Variants in ACP6 observed in about 807,000 individuals in gnomAD.
The protein encoded by ACP6 is lysophosphatidic acid phosphatase type 6.
In ACP6, 48 loss-of-function variants were observed where a neutral mutation model predicts 48.1. The observed-to-expected ratio is 1.00, with a 90% CI of 0.79 to 1.27. The LOEUF is 1.27. Among genes scored for constraint, ACP6 ranks in the 50% most tolerant of loss-of-function variants. The probability of loss-of-function intolerance (pLI) is 0.00; values close to 1 mark genes in which losing one functional copy is unlikely to be tolerated. For missense variants in ACP6, 485 were observed against 529.1 expected, an observed-to-expected ratio of 0.92 and a Z score of 0.82; for synonymous variants, 172 against 204.2, an observed-to-expected ratio of 0.84 and a Z score of 1.34.
chr1:147,648,513 G>A (rs1191470808), intron 8 of ACP6, 102 bp from the exon 9 acceptor site: 1 of 1,369,742 alleles, frequency 7.3e-7, no homozygotes, highest in African/African-American at 1.4e-5. Context: ...TCAGAAACTA[G>A]GTGACATCTA....
At chr1:147,640,895 G>C (rs587745854), downstream of ACP6, among the ~76,000 whole-genome samples, 2 of 152,302 alleles carry the variant, frequency 1.3e-5, no homozygotes, top group South Asian at 2.1e-4. Context: ...AGGGTGGACT[G>C]GGAAGGGCCG....
chr1:147,657,863 C>T (rs1382180348), intron 4 of ACP6, among the ~76,000 whole-genome samples: 1 of 152,246 alleles, frequency 6.6e-6, no homozygotes, highest in Non-Finnish European at 1.5e-5. Flanking sequence ...TAGTGATTTC[C>T]TTCCCTGATG....
In ACP6 at chr1:147,646,349, T is replaced by C. The variant is rs1351731045; in HGVS notation, c.*1074A>G. ...GGGTTTGATTCTAACATGGAAAGTT[T>C]TGTGCCAGTGAAATCCAAGTGGATA... On this transcript the variant is annotated 3_prime_UTR_variant, in exon 10 of 10. Transcript: ENST00000583509. The C allele has an allele frequency of 1.3e-5, 2 of 152,124 alleles. No homozygotes were observed. Among genetic ancestry groups the C allele is most frequent in the Admixed American group, 6.5e-5 (1 of 15,282 alleles). The allele number at this position is 152,124 out of a possible 1,614,324, so 9.4% of individuals were successfully genotyped here.
chr1:147,658,894 G>T, intron 4 of ACP6, 66 bp downstream of exon 4: 1 of 1,436,516 alleles, frequency 7.0e-7, no homozygotes, highest in Non-Finnish European at 9.5e-7. Context: ...GAAAGAGATA[G>T]GGGCTTCGGA....
intron 1 of ACP6, among the ~76,000 whole-genome samples, chr1:147,666,914 T>C (rs1355558812): frequency 1.3e-5 from 2 of 152,196 alleles, no homozygotes; most frequent in African/African-American, 4.8e-5. Context: ...ATCTATATTG[T>C]CAAATAAATA....
intron 1 of ACP6, among the ~76,000 whole-genome samples, chr1:147,660,968 T>A (rs1455470850): frequency 6.6e-6 from 1 of 152,216 alleles, no homozygotes; most frequent in Non-Finnish European, 1.5e-5. Context: ...AGAGATTGCA[T>A]TTTTCACAAA....
chr1:147,659,797 A>G lies in ACP6; in HGVS notation c.220-22T>C, dbSNP rs782271325. On this transcript the variant is annotated intron_variant, in intron 1 of 9. Transcript: ENST00000583509. ...CTACCTGTTAGTACAAAAAAAACAC[A>G]CCACATTGTTTAAAAATGGTTCTTG... 3 of 1,611,180 alleles carry G rather than the reference A, an allele frequency of 1.9e-6. No individual in the cohort carries two copies. The East Asian group carries it at 6.7e-5, about 36-fold the overall frequency.
intron 9 of ACP6, chr1:147,648,027 C>T: frequency 1.7e-6 from 1 of 578,638 alleles, no homozygotes; most frequent in Non-Finnish European, 3.0e-6. Context: ...GAGTCTGTAA[C>T]AGAACTGGGA....
intron 1 of ACP6, among the ~76,000 whole-genome samples, chr1:147,666,038 A>T (rs933784668): frequency 6.6e-6 from 1 of 152,230 alleles, no homozygotes; most frequent in Non-Finnish European, 1.5e-5. Flanking sequence ...AAAAGCAAAC[A>T]AATGTAGGGA....
intron 4 of ACP6, among the ~76,000 whole-genome samples, chr1:147,655,785 CT>C (rs2148909104): frequency 6.6e-6 from 1 of 152,312 alleles, no homozygotes; most frequent in African/African-American, 2.4e-5. Flanking sequence ...AATTGCTGGT[CT>C]AACCAAAGAT....
chr1:147,648,039 A>G (rs1233967708), intron 9 of ACP6: 1 of 597,078 alleles, frequency 1.7e-6, no homozygotes, highest in Non-Finnish European at 2.9e-6. Flanking sequence ...GAACTGGGAT[A>G]AGGCTCAAGC....
Position 147,659,454 on chromosome 1 carries a change from TCCTC to T in ACP6, c.417_420del (p.Lys141ThrfsTer70). ...AAGGGAATGTCTTCCACATAGTTCTTCCTCAGTCTCTCTCCCAAGGCAAACATTT... is the reference window on the plus strand; with the variant it reads ...AAGGGAATGTCTTCCACATAGTTCTTAGTCTCTCTCCCAAGGCAAACATTT... On this transcript the variant is annotated frameshift_variant, in exon 3 of 10. Transcript: ENST00000583509. LOFTEE classifies it high-confidence loss of function. The T allele has an allele frequency of 6.2e-7, 1 of 1,614,228 alleles. No individual in the cohort carries two copies. Among genetic ancestry groups the T allele is most frequent in the African/African-American group, 1.3e-5 (1 of 75,054 alleles).
In ACP6 at chr1:147,648,302, G is replaced by T. The variant is rs782297294; in HGVS notation, c.1087C>A (p.Leu363Ile). The change falls in exon 9 of 10, where the codon CTT (leucine) becomes ATT (isoleucine). Residue 363 changes from leucine (L) to isoleucine (I), a missense_variant. By Grantham distance (5) the Leu-to-Ile change is conservative (BLOSUM62 2). Coordinates refer to ENST00000583509, the MANE Select transcript of ACP6 (RefSeq NM_016361.5). ...PPFAVDLTME[L>I]YQHLESKEWF... Reference sequence around the variant, plus strand: ...TCCTTAGATTCCAGGTGCTGGTAAAGTTCCATGGTCAGGTCAACAGCAAAC... The same window carrying T: ...TCCTTAGATTCCAGGTGCTGGTAAATTTCCATGGTCAGGTCAACAGCAAAC... The T allele has an allele frequency of 6.2e-7, 1 of 1,614,180 alleles. No homozygotes were observed. The highest frequency in any genetic ancestry group is 1.3e-5 in the African/African-American group (1 of 75,032).
At chr1:147,662,767 A>C (rs1011039628) in intron 1 of ACP6, among the ~76,000 whole-genome samples, 17 of 152,230 alleles carry the variant, frequency 1.1e-4, no homozygotes, top group African/African-American at 4.1e-4. Context: ...GTTTGAGAAG[A>C]TTGACTCCAA....
chr1:147,652,661 G>C, intron 6 of ACP6, 112 bp from the exon 7 acceptor site: 3 of 1,602,336 alleles, frequency 1.9e-6, no homozygotes, highest in Middle Eastern at 1.7e-4. Context: ...GGGAAGAGAA[G>C]ACAGGCTCAA....
In ACP6 at chr1:147,645,021, AG is replaced by A. The variant is rs1553209298; in HGVS notation, c.*2401del. On this transcript the variant is annotated 3_prime_UTR_variant, in exon 10 of 10. Coordinates refer to ENST00000583509, the MANE Select transcript of ACP6 (RefSeq NM_016361.5). ...AGATGTTATTTCTCTCTTGTTGCCC[AG>A]GCTGGAGTGCAATGGCACGATCTTG... 7.1e-6 allele frequency: 1 copy of A among 141,572 alleles called. No individual in the cohort carries two copies. Among genetic ancestry groups the A allele is most frequent in the African/African-American group, 2.7e-5 (1 of 37,658 alleles). 8.8% of individuals were successfully genotyped at this position (141,572 alleles called of 1,614,324 possible). A position where few individuals can be genotyped will look rare whatever the true frequency, so the allele number is the denominator to read the frequency against.
At chr1:147,657,490 G>C (rs943453506) in intron 4 of ACP6, among the ~76,000 whole-genome samples, 1 of 151,952 alleles carries the variant, frequency 6.6e-6, no homozygotes, top group African/African-American at 2.4e-5. Flanking sequence ...GTGCGATCTC[G>C]GCTCACTGCA....
intron 1 of ACP6, among the ~76,000 whole-genome samples, chr1:147,667,809 A>T (rs1660874628): frequency 6.6e-6 from 1 of 152,066 alleles, no homozygotes; most frequent in Admixed American, 6.5e-5. Flanking sequence ...GGCCAACATG[A>T]TGAAACCTCG....
At chr1:147,652,636 G>A (rs782768706) in intron 6 of ACP6, 87 bp from the exon 7 acceptor site, 13 of 1,607,622 alleles carry the variant, frequency 8.1e-6, no homozygotes, top group Non-Finnish European at 1.0e-5. Flanking sequence ...ACCTGCAGGA[G>A]CCCATCTTCT....
Sources: gnomAD v4.1 joint callset for allele counts (sites outside exome capture counted in the v4.1 genomes callset) on GRCh38, gnomAD v4.1.1 for gene constraint, MANE v1.5 for transcripts, NCBI Gene and HGNC (gene_info 2026-07-23, HGNC 2026-07-21) for gene names.